Variants in ERBB4 observed in about 807,000 individuals in gnomAD.
ERBB4 encodes erb-b2 receptor tyrosine kinase 4.
Under a neutral mutation model 158.0 loss-of-function variants are expected in ERBB4, and 42 were observed. The ratio of observed to expected loss-of-function variants is 0.27; its 90% CI spans 0.21 to 0.34. The LOEUF (loss-of-function observed/expected upper bound fraction) is 0.34, where lower values mean the gene tolerates loss of function less well. ERBB4 is among the 10% of genes least tolerant of loss of function. ERBB4 has a pLI of 1.00. For missense variants in ERBB4, 1,333 were observed against 1,624.1 expected (o/e 0.82, Z 3.08); for synonymous variants, 583 against 558.7 (o/e 1.04, Z -0.61).
chr2:212,044,198 T>G (rs1011828662), intron 2 of ERBB4, among the ~76,000 whole-genome samples: 2 of 152,148 alleles, frequency 1.3e-5, no homozygotes, highest in Non-Finnish European at 2.9e-5. Context: ...AGGAGATCTG[T>G]GAAATTTGCT....
intron 1 of ERBB4, among the ~76,000 whole-genome samples, chr2:212,190,658 T>C (rs564731870): frequency 6.6e-6 from 1 of 152,292 alleles, no homozygotes; most frequent in Admixed American, 6.5e-5. Context: ...TTGCAGCCCT[T>C]AGGGTCAGTG....
intron 24 of ERBB4, among the ~76,000 whole-genome samples, chr2:211,421,345 A>T (rs1417084682): frequency 6.6e-6 from 1 of 151,948 alleles, no homozygotes; most frequent in Non-Finnish European, 1.5e-5. Flanking sequence ...TTTACTGAGG[A>T]AACATAATAC....
chr2:212,048,106 G>A (rs1247224383), intron 2 of ERBB4, among the ~76,000 whole-genome samples: 1 of 152,132 alleles, frequency 6.6e-6, no homozygotes, highest in Non-Finnish European at 1.5e-5. Context: ...AGATAAAATA[G>A]CTATGACAAA....
At chr2:211,513,369 A>C (rs978117894) in intron 20 of ERBB4, among the ~76,000 whole-genome samples, 7 of 136,154 alleles carry the variant, frequency 5.1e-5, no homozygotes, top group East Asian at 2.0e-4. Context: ...AAAAAAAAAA[A>C]AAAAAAACAA....
chr2:212,226,941 G>T (rs934556096), intron 1 of ERBB4, among the ~76,000 whole-genome samples: 2 of 152,112 alleles, frequency 1.3e-5, no homozygotes, highest in East Asian at 1.9e-4. Flanking sequence ...AATGGAGATA[G>T]ATTCTAAGAA....
chr2:212,394,399 G>C (rs1159414162), intron 1 of ERBB4, among the ~76,000 whole-genome samples: 1 of 151,806 alleles, frequency 6.6e-6, no homozygotes, highest in Non-Finnish European at 1.5e-5. Context: ...TATTGCCTAG[G>C]AATTATTAAC....
intron 20 of ERBB4, among the ~76,000 whole-genome samples, chr2:211,466,209 C>T (rs1001489051): frequency 3.9e-5 from 6 of 151,984 alleles, no homozygotes; most frequent in Admixed American, 1.3e-4. Flanking sequence ...TCCTCCAGGC[C>T]GGCATTGTTG....
At chr2:211,768,581 C>T (rs1208331010) in intron 4 of ERBB4, among the ~76,000 whole-genome samples, 1 of 152,228 alleles carries the variant, frequency 6.6e-6, no homozygotes, top group Admixed American at 6.5e-5. Flanking sequence ...TTCTTGACTT[C>T]TGTGCACCTG....
intron 3 of ERBB4, among the ~76,000 whole-genome samples, chr2:211,843,540 T>C (rs1235527131): frequency 1.3e-5 from 2 of 151,434 alleles, no homozygotes; most frequent in African/African-American, 4.9e-5. Flanking sequence ...TATATAACTT[T>C]GAAGAGAAAA....
chr2:212,190,848 T>G (rs754774763), intron 1 of ERBB4, among the ~76,000 whole-genome samples: 11 of 152,176 alleles, frequency 7.2e-5, no homozygotes, highest in Admixed American at 3.3e-4. Flanking sequence ...ATTAATAAAC[T>G]AAATCTAGTT....
At chr2:212,219,898 C>A (rs113902294) in intron 1 of ERBB4, among the ~76,000 whole-genome samples, 12 of 148,238 alleles carry the variant, frequency 8.1e-5, no homozygotes, top group African/African-American at 2.7e-4. Flanking sequence ...CAAAAATAGG[C>A]TTTAATTTTT....
chr2:211,587,598 T>C (rs1248934397), intron 19 of ERBB4, among the ~76,000 whole-genome samples: 1 of 152,074 alleles, frequency 6.6e-6, no homozygotes, highest in African/African-American at 2.4e-5. Context: ...CATTTTGGAA[T>C]TCTGGTTTCC....
At chr2:212,354,764 T>C (rs2089402003) in intron 1 of ERBB4, among the ~76,000 whole-genome samples, 1 of 152,094 alleles carries the variant, frequency 6.6e-6, no homozygotes, top group African/African-American at 2.4e-5. Flanking sequence ...AAAAAGGTAA[T>C]TGAAGAGAAA....
chr2:211,430,895 G>C, intron 21 of ERBB4, 50 bp downstream of exon 21: 2 of 1,432,304 alleles, frequency 1.4e-6, no homozygotes, highest in East Asian at 2.3e-5. Flanking sequence ...GGAGATAAAA[G>C]GATATTATAC....
At chr2:211,577,506 A>C (rs2067926316) in intron 19 of ERBB4, among the ~76,000 whole-genome samples, 1 of 152,126 alleles carries the variant, frequency 6.6e-6, no homozygotes, top group Non-Finnish European at 1.5e-5. Flanking sequence ...GAGATACAAC[A>C]AAAAAAGAAA....
At position 211,878,657 on chromosome 2, in the gene ERBB4, G is replaced by GTTTTTTTTT. The variant is rs56379006; in HGVS notation, c.421+68764_421+68772dup. 1.9e-4 allele frequency among the ~76,000 whole-genome samples: 26 copies of GTTTTTTTTT among 133,880 alleles called. 1 individual carries two copies. In the East Asian group the frequency reaches 4.8e-3, roughly 25 times the overall value. The allele number at this position is 133,880 out of a possible 152,430, so 87.8% of individuals were successfully genotyped here. A position where few individuals can be genotyped will look rare whatever the true frequency, so the allele number is the denominator to read the frequency against. On this transcript the variant is annotated intron_variant, in intron 3 of 27. Transcript: ENST00000342788. ...AAAAAATTAAGACAAATTAAGTTTT[G>GTTTTTTTTT]TTTTTTTTTTTTTCCTTGAGATGGA...
At chr2:211,483,310 T>C (rs953855618) in intron 20 of ERBB4, among the ~76,000 whole-genome samples, 1 of 152,084 alleles carries the variant, frequency 6.6e-6, no homozygotes, top group African/African-American at 2.4e-5. Context: ...GTTCAAACAT[T>C]TTCCAAGTTT....
chr2:211,890,364 T>C (rs1456818534), intron 3 of ERBB4, among the ~76,000 whole-genome samples: 2 of 144,202 alleles, frequency 1.4e-5, no homozygotes, highest in African/African-American at 5.2e-5. Context: ...CTGAGAGATT[T>C]TGTCACCACT....
intron 16 of ERBB4, among the ~76,000 whole-genome samples, chr2:211,654,563 G>C (rs918794091): frequency 6.6e-6 from 1 of 152,080 alleles, no homozygotes; most frequent in African/African-American, 2.4e-5. Flanking sequence ...TACTAACTTC[G>C]TGAGGTTTTC....
Sources: allele counts gnomAD v4.1 joint callset (sites outside exome capture counted in the v4.1 genomes callset), GRCh38; gene constraint gnomAD v4.1.1; transcripts MANE v1.5; gene names NCBI Gene and HGNC (gene_info 2026-07-23, HGNC 2026-07-21).